SPHKAP: variants seen among roughly 807,000 people sequenced by gnomAD.
The protein encoded by SPHKAP is SPHK1 interactor, AKAP domain containing.
SPHKAP carries 67 observed loss-of-function variants against 137.5 expected under a neutral mutation model. The observed-to-expected ratio is 0.49, with a 90% CI of 0.40 to 0.60. The LOEUF (loss-of-function observed/expected upper bound fraction) is 0.60, where lower values mean the gene tolerates loss of function less well. SPHKAP is among the 20% of genes least tolerant of loss of function. SPHKAP has a pLI of 0.00. For missense variants in SPHKAP, 2,097 were observed against 2,069.3 expected, an observed-to-expected ratio of 1.01 and a Z score of -0.26; for synonymous variants, 813 against 785.3, an observed-to-expected ratio of 1.04 and a Z score of -0.59.
At position 228,181,183 on chromosome 2, in the gene SPHKAP, C is replaced by T. The variant is rs1700898156; in HGVS notation, c.32+384G>A. Among the ~76,000 whole-genome samples the T allele has an allele frequency of 6.6e-6, 1 of 152,310 alleles. No homozygotes were observed. The highest frequency in any genetic ancestry group is 2.1e-4 in the South Asian group (1 of 4,830). On this transcript the variant is annotated intron_variant, in intron 1 of 11. Coordinates refer to ENST00000392056, the MANE Select transcript of SPHKAP (RefSeq NM_001142644.2). The surrounding 1 kb of genome is among the most constrained non-coding windows in gnomAD (Gnocchi z 4.3). ...TACTTTGCCCTAGCCCGGTTCCCTC[C>T]TGTTTTAGACCTTGGAATCTGTCTC...
intron 1 of SPHKAP, among the ~76,000 whole-genome samples, chr2:228,155,846 G>C (rs1700092393): frequency 6.6e-6 from 1 of 152,176 alleles, no homozygotes; most frequent in Non-Finnish European, 1.5e-5. Flanking sequence ...GCAAATAATA[G>C]TTGCAAACAG....
chr2:227,999,771 C>T (rs563887309), intron 7 of SPHKAP, among the ~76,000 whole-genome samples: 5 of 152,218 alleles, frequency 3.3e-5, no homozygotes, highest in African/African-American at 1.2e-4. Context: ...TTGAAATTTA[C>T]AGTTCTGCTC....
intron 9 of SPHKAP, among the ~76,000 whole-genome samples, chr2:227,993,057 A>T (rs1693476388): frequency 6.6e-6 from 1 of 152,128 alleles, no homozygotes; most frequent in African/African-American, 2.4e-5. Context: ...TGGAGAGCAT[A>T]GTCACGGGGT....
chr2:228,089,495 A>T (rs1052080863), intron 3 of SPHKAP, among the ~76,000 whole-genome samples: 6 of 152,246 alleles, frequency 3.9e-5, no homozygotes, highest in Non-Finnish European at 8.8e-5. Context: ...TACAGAAAGA[A>T]TCCAAGCAGG....
intron 1 of SPHKAP, among the ~76,000 whole-genome samples, chr2:228,148,659 T>C (rs1699845198): frequency 6.6e-6 from 1 of 152,090 alleles, no homozygotes; most frequent in African/African-American, 2.4e-5. Context: ...CCAACCTGGA[T>C]TCCTGGGAGT....
intron 11 of SPHKAP, among the ~76,000 whole-genome samples, chr2:227,989,384 G>C (rs1317379262): frequency 6.6e-6 from 1 of 152,112 alleles, no homozygotes; most frequent in African/African-American, 2.4e-5. Context: ...AAGCAAGTAG[G>C]ATGAGGCACA....
chr2:228,098,460 T>G (rs970611232), intron 3 of SPHKAP, among the ~76,000 whole-genome samples: 9 of 152,164 alleles, frequency 5.9e-5, no homozygotes, highest in African/African-American at 1.9e-4. Context: ...ATGTCCTTTG[T>G]AGGGACATGG....
intron 7 of SPHKAP, among the ~76,000 whole-genome samples, chr2:228,008,787 T>C (rs540383903): frequency 3.3e-5 from 5 of 152,276 alleles, no homozygotes; most frequent in Admixed American, 3.3e-4. Flanking sequence ...CAAAGATCCA[T>C]TGACTCTATT....
intron 3 of SPHKAP, among the ~76,000 whole-genome samples, chr2:228,076,074 A>G (rs148996831): frequency 1.1e-4 from 16 of 152,226 alleles, no homozygotes; most frequent in African/African-American, 3.9e-4. Context: ...GATAATTCTA[A>G]AAATGGGAGT....
chr2:228,065,859 A>T (rs1417798325), intron 3 of SPHKAP, among the ~76,000 whole-genome samples: 1 of 152,244 alleles, frequency 6.6e-6, no homozygotes. Context: ...TGAGCAAACC[A>T]GCCCCAGGCT....
chr2:228,015,032 T>C (rs577626691), intron 7 of SPHKAP, among the ~76,000 whole-genome samples: 35 of 151,722 alleles, frequency 2.3e-4, no homozygotes, highest in Non-Finnish European at 4.9e-4. Context: ...AACTTGTCAT[T>C]TAGCATTAGG....
At chr2:228,008,947 C>G (rs1694251503) in intron 7 of SPHKAP, among the ~76,000 whole-genome samples, 1 of 152,026 alleles carries the variant, frequency 6.6e-6, no homozygotes, top group African/African-American at 2.4e-5. Flanking sequence ...ATCTTGTGTT[C>G]AATATTCTTG....
At chr2:228,088,887 A>C (rs1469787881) in intron 3 of SPHKAP, among the ~76,000 whole-genome samples, 1 of 152,184 alleles carries the variant, frequency 6.6e-6, no homozygotes, top group Non-Finnish European at 1.5e-5. Context: ...ATATGATCCA[A>C]TTAAAACCTC....
chr2:228,088,434 A>G (rs187232425), intron 3 of SPHKAP, among the ~76,000 whole-genome samples: 29 of 152,340 alleles, frequency 1.9e-4, no homozygotes, highest in Non-Finnish European at 1.5e-5. Flanking sequence ...AAAATACAGT[A>G]AAAATTGCTC....
chr2:227,981,785 A>C lies in SPHKAP; in HGVS notation c.5035T>G (p.Cys1679Gly), dbSNP rs1408425957. 1 of 1,613,982 alleles carries C rather than the reference A, an allele frequency of 6.2e-7. No homozygotes were observed. Among genetic ancestry groups the C allele is most frequent in the South Asian group, 1.1e-5 (1 of 91,076 alleles). Reference sequence around the variant, plus strand: ...TCCTTCTGCTCCTCATGCATTTTGCAGTACTGGACAACTGCATGGAAGATA... The same window carrying C: ...TCCTTCTGCTCCTCATGCATTTTGCCGTACTGGACAACTGCATGGAAGATA... ...GDIFHAVVQY[C>G]KMHEEQKDGR... The change falls in exon 12 of 12, where the codon TGC becomes GGC. Residue 1679 changes from cysteine to glycine, a missense_variant. By Grantham distance (159) the Cys-to-Gly change is radical (BLOSUM62 -3). Transcript: ENST00000392056.
Position 227,995,422 on chromosome 2 carries a change from G to C in SPHKAP, c.4634+87C>G. ...TGTTCTCTCCTTCTCTCTTTATTAG[G>C]GACCCTTTGCAGAGAACCATTAAAA... On this transcript the variant is annotated intron_variant, in intron 8 of 11. Coordinates refer to ENST00000392056, the MANE Select transcript of SPHKAP (RefSeq NM_001142644.2). The C allele has an allele frequency of 2.0e-6, 3 of 1,494,866 alleles. No homozygotes were observed. In the South Asian group the frequency reaches 3.4e-5, roughly 17 times the overall value. 92.6% of individuals were successfully genotyped at this position (1,494,866 alleles called of 1,614,324 possible).
chr2:228,143,390 A>G (rs1699666276), intron 1 of SPHKAP, among the ~76,000 whole-genome samples: 1 of 152,214 alleles, frequency 6.6e-6, no homozygotes, highest in South Asian at 2.1e-4. Context: ...AAATATATGT[A>G]TATAGAGACA....
At chr2:228,001,486 CGTATATATAA>C (rs1386776085) in intron 7 of SPHKAP, among the ~76,000 whole-genome samples, 3 of 135,508 alleles carry the variant, frequency 2.2e-5, no homozygotes, top group East Asian at 4.2e-4. Context: ...AATATATATA[CGTATATATAA>C]GTATATATAC....
intron 3 of SPHKAP, among the ~76,000 whole-genome samples, chr2:228,086,894 A>G (rs1443161269): frequency 6.6e-6 from 1 of 152,214 alleles, no homozygotes; most frequent in Non-Finnish European, 1.5e-5. Context: ...CCAGGGAATG[A>G]AACAGCTAAG....
Sources: allele counts gnomAD v4.1 joint callset (sites outside exome capture counted in the v4.1 genomes callset), GRCh38; gene constraint gnomAD v4.1.1; non-coding constraint Gnocchi (gnomAD v3.1); transcripts MANE v1.5; gene names NCBI Gene and HGNC (gene_info 2026-07-23, HGNC 2026-07-21).